Variants in SMYD2 observed in about 807,000 individuals in gnomAD.
The protein encoded by SMYD2 is N-lysine methyltransferase SMYD2.
In SMYD2, 53 loss-of-function variants were observed where a neutral mutation model predicts 59.1. That is an observed-to-expected ratio of 0.90 (90% CI 0.72 to 1.13). The LOEUF is 1.13. Ranked by LOEUF, SMYD2 falls within the 50% of genes most tolerant of loss-of-function variation. The pLI is 0.00. For synonymous variants in SMYD2, 208 were observed against 198.8 expected, an observed-to-expected ratio of 1.05 and a Z score of -0.39; for missense variants, 494 against 544.7, an observed-to-expected ratio of 0.91 and a Z score of 0.93.
chr1:214,299,482 T>TATATATAC (rs751839365), intron 1 of SMYD2, among the ~76,000 whole-genome samples: 9,340 of 45,764 alleles, frequency 0.2, 390 homozygotes, highest in South Asian at 0.27. Flanking sequence ...TATATATATA[T>TATATATAC]ACACCATAGA....
chr1:214,308,622 C>G (rs1226730179), intron 2 of SMYD2, among the ~76,000 whole-genome samples: 1 of 152,182 alleles, frequency 6.6e-6, no homozygotes, highest in African/African-American at 2.4e-5. Context: ...TGGCCTTCAG[C>G]TGCTAGTAAT....
At chr1:214,314,699 C>T in intron 2 of SMYD2, 63 bp from the exon 3 acceptor site, 2 of 1,267,808 alleles carry the variant, frequency 1.6e-6, no homozygotes, top group South Asian at 2.5e-5. Flanking sequence ...TGCATCCTCT[C>T]CTCTCACACT....
intron 9 of SMYD2, 178 bp downstream of exon 9, chr1:214,331,248 G>A (rs1207296177): frequency 2.2e-6 from 2 of 920,992 alleles, no homozygotes; most frequent in East Asian, 5.6e-5. Context: ...CCATCCTGTT[G>A]GAGTTGTATG....
chr1:214,296,597 C>T (rs561794759), intron 1 of SMYD2, among the ~76,000 whole-genome samples: 110 of 152,236 alleles, frequency 7.2e-4, no homozygotes, highest in South Asian at 3.1e-3. Flanking sequence ...ATTTATTGAA[C>T]GTTTACAGTG....
rs34049644 is a variant in SMYD2, at chr1:214,284,254, G to GTTTTTTT, written c.173+2844_173+2850dup. ...CCATTTATCACCATTTTTTGGTGTGGTTTTTTTTTTTTTTTTTTTTTTTGA... is the reference window on the plus strand; with the variant it reads ...CCATTTATCACCATTTTTTGGTGTGGTTTTTTTTTTTTTTTTTTTTTTTTTTTTTTGA... On this transcript the variant is annotated intron_variant, in intron 1 of 11. Coordinates refer to ENST00000366957, the MANE Select transcript of SMYD2 (RefSeq NM_020197.3). Among the ~76,000 whole-genome samples, 54 of 90,350 alleles carry GTTTTTTT rather than the reference G, an allele frequency of 6.0e-4. 2 individuals carry two copies. Among genetic ancestry groups the GTTTTTTT allele is most frequent in the Admixed American group, 7.8e-4 (5 of 6,376 alleles). The allele number at this position is 90,350 out of a possible 152,430, so 59.3% of individuals were successfully genotyped here.
chr1:214,318,949 C>T lies in SMYD2; in HGVS notation c.500C>T (p.Pro167Leu), dbSNP rs1348336252. 6.2e-6 allele frequency: 10 copies of T among 1,614,078 alleles called. No individual in the cohort carries two copies. Among genetic ancestry groups the T allele is most frequent in the Non-Finnish European group, 8.5e-6 (10 of 1,180,002 alleles). ...HHFYSKHLGF[P>L]DNDSLVVLFA... ...TTTTACTCCAAGCATCTCGGATTCC[C>T]TGACAATGATAGCCTCGTAGTACTC... The change falls in exon 5 of 12, where the codon CCT becomes CTT. Residue 167 changes from proline to leucine, a missense_variant. Physicochemically the swap from Pro to Leu is moderately conservative, Grantham distance 98. Transcript: ENST00000366957. This position sits in a 1 kb window ranked among gnomAD's most constrained non-coding sequence, Gnocchi z 5.4.
In SMYD2 at chr1:214,312,884, G is replaced by A. The variant is rs1176742505; in HGVS notation, c.238-1878G>A. ...CGAGTTTTGTCAACAGAATCCCTCAGGCTGCTCTCTGGAACCTAGTCCATG... is the reference window on the plus strand; with the variant it reads ...CGAGTTTTGTCAACAGAATCCCTCAAGCTGCTCTCTGGAACCTAGTCCATG... On this transcript the variant is annotated intron_variant, in intron 2 of 11. Coordinates refer to ENST00000366957, the MANE Select transcript of SMYD2 (RefSeq NM_020197.3). The surrounding 1 kb of genome is among the most constrained non-coding windows in gnomAD (Gnocchi z 4.1). Among the ~76,000 whole-genome samples, 1 of 152,218 alleles carries A rather than the reference G, an allele frequency of 6.6e-6. No individual in the cohort carries two copies. Among genetic ancestry groups the A allele is most frequent in the Non-Finnish European group, 1.5e-5 (1 of 68,030 alleles).
intron 1 of SMYD2, among the ~76,000 whole-genome samples, chr1:214,300,286 G>T (rs1308697936): frequency 6.6e-6 from 1 of 152,168 alleles, no homozygotes; most frequent in Non-Finnish European, 1.5e-5. Flanking sequence ...ACATGATCCA[G>T]CTTGGACTCT....
intron 1 of SMYD2, among the ~76,000 whole-genome samples, chr1:214,292,017 A>T (rs2102455113): frequency 6.6e-6 from 1 of 152,116 alleles, no homozygotes; most frequent in African/African-American, 2.4e-5. Flanking sequence ...TATTTATTTC[A>T]TCCAATATTT....
intron 5 of SMYD2, among the ~76,000 whole-genome samples, chr1:214,322,013 T>C (rs1301853133): frequency 1.3e-5 from 2 of 152,166 alleles, no homozygotes; most frequent in African/African-American, 2.4e-5. Flanking sequence ...ATAAAGGGAC[T>C]GATGGTCATA....
At chr1:214,326,652 T>C (rs1040760293) in intron 6 of SMYD2, among the ~76,000 whole-genome samples, 1 of 152,162 alleles carries the variant, frequency 6.6e-6, no homozygotes, top group East Asian at 1.9e-4. Flanking sequence ...GGTGGGGGAG[T>C]GCACTTGGCC....
chr1:214,287,586 CAAA>C (rs36187427), intron 1 of SMYD2, among the ~76,000 whole-genome samples: 2 of 75,530 alleles, frequency 2.6e-5, no homozygotes, highest in African/African-American at 5.5e-5. Flanking sequence ...GACTATGTCT[CAAA>C]AAAAAAAAAA....
intron 5 of SMYD2, among the ~76,000 whole-genome samples, chr1:214,321,212 A>G (rs1459327272): frequency 6.6e-6 from 1 of 152,172 alleles, no homozygotes; most frequent in Non-Finnish European, 1.5e-5. Flanking sequence ...GGACTGACTC[A>G]GAAAATTCAG....
chr1:214,307,843 C>T (rs1656938735), intron 2 of SMYD2, among the ~76,000 whole-genome samples: 2 of 152,186 alleles, frequency 1.3e-5, no homozygotes, highest in Non-Finnish European at 2.9e-5. Context: ...AATATCCCAA[C>T]CTGTATGTGC....
At chr1:214,332,230 A>T (rs1571935971) in intron 10 of SMYD2, 38 bp downstream of exon 10, 1 of 1,606,732 alleles carries the variant, frequency 6.2e-7, no homozygotes, top group South Asian at 1.1e-5. Context: ...CACGGAGTGG[A>T]ATTTGGTTGT....
In SMYD2 at chr1:214,324,646, C is replaced by T; in HGVS notation, c.540C>T (p.Asn180=). 1.2e-6 allele frequency: 2 copies of T among 1,611,424 alleles called. No individual in the cohort carries two copies. The highest frequency in any genetic ancestry group is 1.7e-6 in the Non-Finnish European group (2 of 1,178,890). Residue 180 remains asparagine (N), a synonymous_variant, in exon 6 of 12, where the codon AAC becomes AAT. Coordinates refer to ENST00000366957, the MANE Select transcript of SMYD2 (RefSeq NM_020197.3). ...CTCCCTTTTTCTTGCTGCAGGTTAA[C>T]TGTAATGGCTTCACAATTGAAGATG... ...DSLVVLFAQV[N]CNGFTIEDEE... is the part of the protein sequence containing the mutation.
At chr1:214,323,586 G>A (rs1288647115) in intron 5 of SMYD2, among the ~76,000 whole-genome samples, 1 of 151,984 alleles carries the variant, frequency 6.6e-6, no homozygotes, top group Non-Finnish European at 1.5e-5. Flanking sequence ...GATTACAGGT[G>A]CATGCCACCA....
intron 1 of SMYD2, among the ~76,000 whole-genome samples, chr1:214,287,524 T>C (rs114625107): frequency 0.081 from 11,193 of 137,392 alleles, 473 homozygotes; most frequent in South Asian, 0.21. Flanking sequence ...GAGGTGGAGG[T>C]TGTGGCGAGT....
At chr1:214,324,492 G>C (rs1657229900) in intron 5 of SMYD2, 149 bp from the exon 6 acceptor site, 1 of 661,056 alleles carries the variant, frequency 1.5e-6, no homozygotes, top group African/African-American at 1.8e-5. Context: ...AATTTTGTTT[G>C]AACGATAACA....
Sources: gnomAD v4.1 joint callset for allele counts (sites outside exome capture counted in the v4.1 genomes callset) on GRCh38, gnomAD v4.1.1 for gene constraint, Gnocchi (gnomAD v3.1) non-coding constraint, MANE v1.5 for transcripts, NCBI Gene and HGNC (gene_info 2026-07-23, HGNC 2026-07-21) for gene names.